NFATC3: variants seen among roughly 807,000 people sequenced by gnomAD.
NFATC3 encodes nuclear factor of activated T-cells, cytoplasmic 3.
A neutral mutation model predicts 98.6 loss-of-function variants in NFATC3; 46 were observed. The observed-to-expected ratio is 0.47, with a 90% CI of 0.37 to 0.60. NFATC3 has a LOEUF of 0.60. Ranked by LOEUF, NFATC3 falls within the 20% of genes least tolerant of loss-of-function variation. NFATC3 has a pLI of 0.00. For synonymous variants in NFATC3, 512 were observed against 472.2 expected, an observed-to-expected ratio of 1.08 and a Z score of -1.09; for missense variants, 1,256 against 1,295.5, an observed-to-expected ratio of 0.97 and a Z score of 0.47.
At chr16:68,206,541 C>G (rs991805288) in intron 9 of NFATC3, among the ~76,000 whole-genome samples, 2 of 152,124 alleles carry the variant, frequency 1.3e-5, no homozygotes, top group Non-Finnish European at 2.9e-5. Flanking sequence ...ATAATGTTTT[C>G]AAGGCTCATC....
chr16:68,202,255 G>A (rs1261697136), intron 9 of NFATC3, among the ~76,000 whole-genome samples: 1 of 152,020 alleles, frequency 6.6e-6, no homozygotes, highest in African/African-American at 2.4e-5. Context: ...CTGAATGTAG[G>A]GCATTTGGTA....
intron 9 of NFATC3, 95 bp downstream of exon 9, chr16:68,191,870 G>A (rs1031626747): frequency 1.5e-6 from 2 of 1,312,266 alleles, no homozygotes; most frequent in Non-Finnish European, 2.1e-6. Context: ...TTGCTTATTG[G>A]CATATGGTTG....
At position 68,190,997 on chromosome 16, in the gene NFATC3, AG is replaced by A; in HGVS notation, c.2329del (p.Glu777AsnfsTer4). On this transcript the variant is annotated frameshift_variant, in exon 9 of 10. Coordinates refer to ENST00000346183, the MANE Select transcript of NFATC3 (RefSeq NM_173165.3). LOFTEE classifies it high-confidence loss of function. Reference sequence around the variant, plus strand: ...AGTGTAGAGATGAGAGTGTTAGTAAAGAACAGCATATGATTCCTTCTCCAAT... The same window carrying A: ...AGTGTAGAGATGAGAGTGTTAGTAAAAACAGCATATGATTCCTTCTCCAAT... ...LQCRDESVSKEQHMIPSPIVH... is the reference protein window; with the variant it reads ...LQCRDESVSKXQHMIPSPIVH... 1 of 1,614,160 alleles carries A rather than the reference AG, an allele frequency of 6.2e-7. No individual in the cohort carries two copies.
chr16:68,138,222 T>C (rs954132752), intron 3 of NFATC3, among the ~76,000 whole-genome samples: 6 of 151,602 alleles, frequency 4.0e-5, no homozygotes, highest in Admixed American at 3.3e-4. Context: ...GTATTTTTAG[T>C]AGAGATGGGG....
chr16:68,222,838 G>A (rs879774066), intron 9 of NFATC3, among the ~76,000 whole-genome samples: 5 of 152,174 alleles, frequency 3.3e-5, no homozygotes, highest in Admixed American at 6.5e-5. Context: ...GAGGAGGCAT[G>A]TTAGAAGTCA....
chr16:68,129,927 C>T (rs1023674770), intron 3 of NFATC3, among the ~76,000 whole-genome samples: 3 of 152,090 alleles, frequency 2.0e-5, no homozygotes, highest in African/African-American at 7.2e-5. Flanking sequence ...ATCCTCCTGC[C>T]TTGGCCTCCC....
At chr16:68,199,811 C>T (rs1050637815) in intron 9 of NFATC3, 1 of 152,000 alleles carries the variant, frequency 6.6e-6, no homozygotes, top group African/African-American at 2.4e-5. Context: ...TGGTCTTGAT[C>T]TCCTGACCTT....
chr16:68,126,433 G>A lies in NFATC3; in HGVS notation c.1239-15G>A. 1 of 1,598,728 alleles carries A rather than the reference G, an allele frequency of 6.3e-7. No individual in the cohort carries two copies. The highest frequency in any genetic ancestry group is 8.6e-7 in the Non-Finnish European group (1 of 1,169,418). On this transcript the variant is annotated splice_polypyrimidine_tract_variant and intron_variant, in intron 2 of 9. Coordinates refer to ENST00000346183, the MANE Select transcript of NFATC3 (RefSeq NM_173165.3). ...ATAGCATGGTGACATGCATCTTTGT[G>A]TGTTTTGTTTGTAGCACATCTTCAT...
At position 68,162,788 on chromosome 16, in the gene NFATC3, G is replaced by A. The variant is rs1044619790; in HGVS notation, c.1602-4055G>A. Among the ~76,000 whole-genome samples the A allele has an allele frequency of 4.0e-5, 6 of 151,286 alleles. No homozygotes were observed. The South Asian group carries it at 6.3e-4, about 16-fold the overall frequency. On this transcript the variant is annotated intron_variant, in intron 4 of 9. Coordinates refer to ENST00000346183, the MANE Select transcript of NFATC3 (RefSeq NM_173165.3). ...AATTGATCATTCTTGGGTGTTTCTC[G>A]CAGAGGGGGATTTGGCAGGGTCATA...
intron 6 of NFATC3, among the ~76,000 whole-genome samples, chr16:68,176,888 C>A (rs1441421156): frequency 6.6e-6 from 1 of 152,104 alleles, no homozygotes. Flanking sequence ...GAGCTCACCT[C>A]CAAAACCTTC....
At chr16:68,100,947 A>G (rs974910163) in intron 1 of NFATC3, among the ~76,000 whole-genome samples, 2 of 150,604 alleles carry the variant, frequency 1.3e-5, no homozygotes, top group African/African-American at 2.5e-5. Flanking sequence ...AAGTCTATCA[A>G]ATATATGCTT....
intron 9 of NFATC3, among the ~76,000 whole-genome samples, chr16:68,196,156 A>G (rs556209828): frequency 2.4e-3 from 365 of 152,104 alleles, no homozygotes; most frequent in Non-Finnish European, 4.7e-3. Context: ...TGGAGTCTCT[A>G]TCACCCAGGC....
chr16:68,181,472 T>C lies in NFATC3; in HGVS notation c.1916-3T>C. 6.2e-7 allele frequency: 1 copy of C among 1,610,138 alleles called. No individual in the cohort carries two copies. On this transcript the variant is annotated splice_polypyrimidine_tract_variant and splice_region_variant and intron_variant, in intron 6 of 9. Transcript: ENST00000346183. ...TTTAACTATAAACTCTTTCTTTCAA[T>C]AGATGGACGACCTCAGTGGGAGGTA... is the stretch of plus-strand genomic sequence containing the variant.
intron 2 of NFATC3, among the ~76,000 whole-genome samples, chr16:68,125,332 C>T (rs544911967): frequency 3.3e-5 from 5 of 152,202 alleles, no homozygotes; most frequent in South Asian, 2.1e-4. Flanking sequence ...TGTAGACATA[C>T]GAAGTTTTTC....
At chr16:68,155,415 CTAG>C (rs1393694488) in intron 3 of NFATC3, among the ~76,000 whole-genome samples, 8 of 152,148 alleles carry the variant, frequency 5.3e-5, no homozygotes, top group African/African-American at 1.7e-4. Context: ...GACCCAAGAT[CTAG>C]TAACATAGCT....
intron 3 of NFATC3, chr16:68,138,883 T>A (rs2037596005): frequency 1.1e-6 from 1 of 898,640 alleles, no homozygotes; most frequent in African/African-American, 1.8e-5. Context: ...CTGTTTTGGT[T>A]GAATCCTGGA....
chr16:68,113,804 T>A (rs1487425558), intron 1 of NFATC3, among the ~76,000 whole-genome samples: 1 of 152,214 alleles, frequency 6.6e-6, no homozygotes, highest in Non-Finnish European at 1.5e-5. Context: ...AGGTTCTGCC[T>A]GGTGAAGAGA....
chr16:68,175,184 A>T (rs977912995), intron 6 of NFATC3, among the ~76,000 whole-genome samples: 6 of 152,272 alleles, frequency 3.9e-5, no homozygotes, highest in African/African-American at 1.4e-4. Context: ...GACACATAGT[A>T]TATGACTCCA....
chr16:68,209,561 G>A (rs2041289685), intron 9 of NFATC3: 1 of 319,510 alleles, frequency 3.1e-6, no homozygotes, highest in Admixed American at 3.8e-5. Flanking sequence ...CCTAGCACGT[G>A]GAATTTGCAA....
Sources: allele counts gnomAD v4.1 joint callset (sites outside exome capture counted in the v4.1 genomes callset), GRCh38; gene constraint gnomAD v4.1.1; transcripts MANE v1.5; gene names NCBI Gene and HGNC (gene_info 2026-07-23, HGNC 2026-07-21).